CASP5: variants seen among roughly 807,000 people sequenced by gnomAD.
CASP5 encodes the protein caspase-5.
Under a neutral mutation model 45.2 loss-of-function variants are expected in CASP5, and 42 were observed. The ratio of observed to expected loss-of-function variants is 0.93; its 90% CI spans 0.73 to 1.20. The LOEUF is 1.20. CASP5 is among the 50% of genes most tolerant of loss of function. CASP5 has a pLI of 0.00. For synonymous variants in CASP5, 209 were observed against 186.2 expected, an observed-to-expected ratio of 1.12 and a Z score of -1.00; for missense variants, 512 against 532.2, an observed-to-expected ratio of 0.96 and a Z score of 0.37.
chr11:105,003,246 T>C, intron 4 of CASP5, 28 bp downstream of exon 4: 1 of 1,289,632 alleles, frequency 7.8e-7, no homozygotes, highest in Non-Finnish European at 1.1e-6. Context: ...TCTCTCTTCT[T>C]CCCCATTTCA....
chr11:105,016,528 A>G (rs946247296), intron 1 of CASP5, among the ~76,000 whole-genome samples: 1 of 152,200 alleles, frequency 6.6e-6, no homozygotes, highest in African/African-American at 2.4e-5. Context: ...TCCCTTTCCT[A>G]GTCAAAGAAA....
chr11:105,000,199 C>T, intron 6 of CASP5, 62 bp downstream of exon 6: 6 of 1,552,650 alleles, frequency 3.9e-6, no homozygotes, highest in Non-Finnish European at 5.3e-6. Context: ...AAATATAAAC[C>T]AAACATCACA....
At chr11:105,007,417 G>A in intron 2 of CASP5, 83 bp from the exon 3 acceptor site, 1 of 1,274,346 alleles carries the variant, frequency 7.8e-7, no homozygotes, top group Non-Finnish European at 1.1e-6. Flanking sequence ...TCTGTAATAT[G>A]AAACTCCTCT....
chr11:105,021,724 A>G (rs1440550856), intron 1 of CASP5, among the ~76,000 whole-genome samples: 2 of 148,520 alleles, frequency 1.3e-5, no homozygotes, highest in Non-Finnish European at 3.0e-5. Flanking sequence ...ACTGTAAACT[A>G]GTTCAACCAT....
intron 1 of CASP5, among the ~76,000 whole-genome samples, chr11:105,014,033 C>T (rs1254785153): frequency 6.6e-6 from 1 of 152,066 alleles, no homozygotes; most frequent in Admixed American, 6.6e-5. Context: ...CACCAAGAAC[C>T]TTATAAACCT....
At chr11:105,001,292 T>C (rs1304598844) in intron 5 of CASP5, among the ~76,000 whole-genome samples, 1 of 152,244 alleles carries the variant, frequency 6.6e-6, no homozygotes, top group African/African-American at 2.4e-5. Flanking sequence ...AATTTGAAAC[T>C]TCTGGTATCA....
chr11:105,000,325 G>A lies in CASP5; in HGVS notation c.888C>T (p.Asn296=), dbSNP rs1302033564. 5 of 1,614,088 alleles carry A rather than the reference G, an allele frequency of 3.1e-6. No individual in the cohort carries two copies. Among genetic ancestry groups the A allele is most frequent in the Non-Finnish European group, 4.2e-6 (5 of 1,180,034 alleles). ...CCTTTAGACTGAGGCAGTTGCGGTT[G>A]TTGAATATCTGGAAGATGGTGTCAT... The part of the protein sequence containing the change: ...LLYDTIFQIF[N]NRNCLSLKDK... The change falls in exon 6 of 10, where the codon AAC becomes AAT. Residue 296 remains asparagine (N), a synonymous_variant. Coordinates refer to ENST00000260315, the MANE Select transcript of CASP5 (RefSeq NM_004347.5).
At chr11:105,021,479 C>T (rs1009509173) in intron 1 of CASP5, among the ~76,000 whole-genome samples, 62 of 150,440 alleles carry the variant, frequency 4.1e-4, no homozygotes, top group African/African-American at 1.4e-3. Context: ...AACAAACAAC[C>T]CCATCAAAAA....
intron 9 of CASP5, 128 bp downstream of exon 9, chr11:104,995,612 T>A: frequency 1.1e-5 from 6 of 548,594 alleles, no homozygotes; most frequent in Non-Finnish European, 2.0e-5. Flanking sequence ...AAATAAATAC[T>A]CACCAGACTA....
intron 1 of CASP5, among the ~76,000 whole-genome samples, chr11:105,012,549 T>A (rs1321414344): frequency 6.6e-6 from 1 of 151,824 alleles, no homozygotes; most frequent in Non-Finnish European, 1.5e-5. Flanking sequence ...ATATTCAAAA[T>A]ATATGAGAAA....
rs1862038793 is a variant in CASP5 at position 105,007,124 on chromosome 11, T to G, written c.392A>C (p.Gln131Pro). 1.2e-6 allele frequency: 2 copies of G among 1,613,786 alleles called. No homozygotes were observed. The highest frequency in any genetic ancestry group is 1.7e-6 in the Non-Finnish European group (2 of 1,179,718). The change falls in exon 3 of 10, where the codon CAA (glutamine) becomes CCA (proline). Residue 131 changes from glutamine (Q) to proline (P), a missense_variant. By Grantham distance (76) the Gln-to-Pro change is moderately conservative. Coordinates refer to ENST00000260315, the MANE Select transcript of CASP5 (RefSeq NM_004347.5). ...KNRVAHQMFT[Q>P]TLLNMDQKIT... ...CTTTTGGTCCATATTGAGAAGTGTT[T>G]GGGTAAACATTTGATGAGCCACGCG...
intron 3 of CASP5, among the ~76,000 whole-genome samples, chr11:105,006,418 AC>A (rs1417572611): frequency 7.2e-5 from 11 of 152,240 alleles, no homozygotes; most frequent in South Asian, 2.1e-4. Context: ...GAAACCAGTT[AC>A]ATTCTGGTAG....
chr11:104,998,373 G>A (rs3181180), intron 7 of CASP5, among the ~76,000 whole-genome samples: 1 of 152,100 alleles, frequency 6.6e-6, no homozygotes, highest in South Asian at 2.1e-4. Flanking sequence ...CCTGTAATTA[G>A]ACCTAATTAG....
intron 6 of CASP5, among the ~76,000 whole-genome samples, chr11:104,999,830 A>C (rs1430311933): frequency 1.3e-5 from 2 of 152,120 alleles, no homozygotes; most frequent in Non-Finnish European, 2.9e-5. Flanking sequence ...TTAACTCCCA[A>C]CTCATTTTCC....
intron 1 of CASP5, among the ~76,000 whole-genome samples, chr11:105,021,408 C>G (rs950104972): frequency 6.8e-6 from 1 of 147,552 alleles, no homozygotes; most frequent in Admixed American, 7.1e-5. Context: ...GCAACCTACT[C>G]GTCTGACAAA....
In CASP5 at chr11:105,023,145, G is replaced by T; in HGVS notation, c.-9C>A. 6.4e-7 allele frequency: 1 copy of T among 1,551,084 alleles called. No homozygotes were observed. The highest frequency in any genetic ancestry group is 8.7e-7 in the Non-Finnish European group (1 of 1,146,394). ...CCAGACTCACCAGCCATAGCTAACA[G>T]CCTCTGTCTCTTTGTACAGCACTGG... On this transcript the variant is annotated 5_prime_UTR_variant, in exon 1 of 10. In the 5' UTR this introduces an upstream ATG that the reference lacks. Coordinates refer to ENST00000260315, the MANE Select transcript of CASP5 (RefSeq NM_004347.5).
chr11:105,007,147 GCGATTCTTTC>G lies in CASP5; in HGVS notation c.359_368del (p.Arg120ProfsTer21). On this transcript the variant is annotated frameshift_variant, in exon 3 of 10. Transcript: ENST00000260315. LOFTEE classifies it high-confidence loss of function. ...TTTGGGTAAACATTTGATGAGCCAC[GCGATTCTTTC>G]GCAAAGAGTCTACCAAGATCAGGGC... 1 of 1,613,556 alleles carries G rather than the reference GCGATTCTTTC, an allele frequency of 6.2e-7. No individual in the cohort carries two copies. The highest frequency in any genetic ancestry group is 8.5e-7 in the Non-Finnish European group (1 of 1,179,570).
chr11:105,015,565 AT>A (rs1862546886), intron 1 of CASP5, among the ~76,000 whole-genome samples: 1 of 152,134 alleles, frequency 6.6e-6, no homozygotes, highest in African/African-American at 2.4e-5. Context: ...ATGGTTGTTT[AT>A]AATTATTAAC....
chr11:104,999,086 T>C, intron 6 of CASP5, 58 bp from the exon 7 acceptor site: 1 of 1,459,462 alleles, frequency 6.9e-7, no homozygotes, highest in Non-Finnish European at 9.3e-7. Flanking sequence ...AGAATAGAAA[T>C]GCAGAACGTG....
Sources: gnomAD v4.1 joint callset for allele counts (sites outside exome capture counted in the v4.1 genomes callset) on GRCh38, gnomAD v4.1.1 for gene constraint, MANE v1.5 for transcripts, NCBI Gene and HGNC (gene_info 2026-07-23, HGNC 2026-07-21) for gene names.